Variants in TRIM29 observed in about 807,000 individuals in gnomAD.
TRIM29 encodes the protein tripartite motif containing 29.
In TRIM29, 52 loss-of-function variants were observed where a neutral mutation model predicts 57.3. The observed-to-expected ratio is 0.91, with a 90% CI of 0.73 to 1.14. The LOEUF is 1.14. Ranked by LOEUF, TRIM29 falls within the 50% of genes most tolerant of loss-of-function variation. TRIM29 has a pLI of 0.00. For synonymous variants in TRIM29, 319 were observed against 316.9 expected (o/e 1.01, Z -0.07); for missense variants, 753 against 774.6 (o/e 0.97, Z 0.33).
intron 3 of TRIM29, 84 bp from the exon 4 acceptor site, chr11:120,125,973 AGCTGGG>A: frequency 7.3e-7 from 1 of 1,372,806 alleles, no homozygotes; most frequent in Non-Finnish European, 1.0e-6. Flanking sequence ...CTCACAGTGC[AGCTGGG>A]GGTCTCAGCG....
rs775344837 is a variant in TRIM29, at chr11:120,118,263, G to A, written c.1587C>T (p.Asp529=). 6.2e-7 allele frequency: 1 copy of A among 1,613,952 alleles called. No homozygotes were observed. The highest frequency in any genetic ancestry group is 1.3e-5 in the African/African-American group (1 of 74,914). The change falls in exon 7 of 9, where the codon GAC becomes GAT. Residue 529 remains aspartate, a synonymous_variant. Transcript: ENST00000341846. ...YSSSIQNSDN[D]LPVVQGSSSF... is the part of the protein sequence containing the mutation. ...AGGAGCTGCCTTGGACGACGGGCAGGTCATTGTCAGAGTTCTGAATGCTGG... is the reference window on the plus strand; with the variant it reads ...AGGAGCTGCCTTGGACGACGGGCAGATCATTGTCAGAGTTCTGAATGCTGG...
At chr11:120,117,095 G>A in intron 7 of TRIM29, 2 of 372,124 alleles carry the variant, frequency 5.4e-6, no homozygotes, top group East Asian at 8.5e-5. Flanking sequence ...GCACAGCGCT[G>A]GTCCCAGAGG....
At chr11:120,122,152 G>GTGTGTGTGTA (rs1863469106) in intron 5 of TRIM29, among the ~76,000 whole-genome samples, 1 of 143,856 alleles carries the variant, frequency 7.0e-6, no homozygotes, top group African/African-American at 2.7e-5. Context: ...GTGTGTGTGT[G>GTGTGTGTGTA]TGTGTGTGTG....
intron 8 of TRIM29, chr11:120,113,550 T>C: frequency 2.2e-6 from 1 of 452,050 alleles, no homozygotes; most frequent in Non-Finnish European, 4.4e-6. Context: ...AAGGGTACAC[T>C]GCCTTTGGCC....
Position 120,137,190 on chromosome 11 carries a change from G to A in TRIM29, c.804+38C>T, listed in dbSNP as rs760741223. The A allele has an allele frequency of 3.7e-6, 6 of 1,605,168 alleles. No homozygotes were observed. The South Asian group carries it at 4.4e-5, about 12-fold the overall frequency. The stretch of plus-strand genomic sequence containing the variant: ...AGTTCGGAGGGGTGGGGTGAGAGAG[G>A]AGAGGCCTGGAGGGGCAGGAGGGGC... On this transcript the variant is annotated intron_variant, in intron 1 of 8. Transcript: ENST00000341846. This position sits in a 1 kb window ranked among gnomAD's most constrained non-coding sequence, Gnocchi z 6.2.
Position 120,125,895 on chromosome 11 carries a change from A to G in TRIM29, c.1135-6T>C. ...CTCATCAATGCACCAAATTCCTACCAAGAAAGGAAAGAACCATTAACTGCC... is the reference window on the plus strand; with the variant it reads ...CTCATCAATGCACCAAATTCCTACCGAGAAAGGAAAGAACCATTAACTGCC... On this transcript the variant is annotated splice_polypyrimidine_tract_variant and splice_region_variant and intron_variant, in intron 3 of 8. Transcript: ENST00000341846. 5 of 1,610,836 alleles carry G rather than the reference A, an allele frequency of 3.1e-6. No homozygotes were observed. Among genetic ancestry groups the G allele is most frequent in the Non-Finnish European group, 4.2e-6 (5 of 1,177,384 alleles).
chr11:120,125,483 T>A (rs1159150007), intron 4 of TRIM29: 1 of 590,324 alleles, frequency 1.7e-6, no homozygotes, highest in Non-Finnish European at 3.0e-6. Flanking sequence ...GGTCTCTTCC[T>A]ATAGTTGCAT....
chr11:120,136,118 T>C (rs1863809327), intron 1 of TRIM29, among the ~76,000 whole-genome samples: 1 of 152,168 alleles, frequency 6.6e-6, no homozygotes, highest in South Asian at 2.1e-4. Flanking sequence ...TATGAATACA[T>C]GCAAACATCC....
chr11:120,122,907 G>A, intron 5 of TRIM29, 47 bp downstream of exon 5: 1 of 1,562,850 alleles, frequency 6.4e-7, no homozygotes, highest in Admixed American at 1.7e-5. Flanking sequence ...GGGGGCCCCT[G>A]GGCAGCAGGA....
At chr11:120,113,809 A>G (rs189790043) in intron 8 of TRIM29, among the ~76,000 whole-genome samples, 2 of 152,258 alleles carry the variant, frequency 1.3e-5, no homozygotes, top group East Asian at 1.9e-4. Context: ...GAAATGGCTG[A>G]AGCCTTTCTT....
chr11:120,136,212 T>C (rs1163241522), intron 1 of TRIM29, among the ~76,000 whole-genome samples: 5 of 152,206 alleles, frequency 3.3e-5, no homozygotes, highest in Non-Finnish European at 7.3e-5. Context: ...TATTTACCAA[T>C]AAACCCATTG....
chr11:120,134,287 C>T (rs576919869), intron 1 of TRIM29, among the ~76,000 whole-genome samples: 1 of 152,180 alleles, frequency 6.6e-6, no homozygotes, highest in African/African-American at 2.4e-5. Flanking sequence ...AGAAGACAGG[C>T]ACCCACAGCC....
Position 120,112,283 on chromosome 11 carries a change from A to T in TRIM29, c.*131T>A. On this transcript the variant is annotated 3_prime_UTR_variant, in exon 9 of 9. Coordinates refer to ENST00000341846, the MANE Select transcript of TRIM29 (RefSeq NM_012101.4). ...CCGGAACTGCCCCCAAGAGGCTGGC[A>T]GAGGGCTGCAGAGGGCAGGTGCAGG... 9.5e-7 allele frequency: 1 copy of T among 1,049,170 alleles called. No homozygotes were observed. The highest frequency in any genetic ancestry group is 1.4e-6 in the Non-Finnish European group (1 of 715,348). The allele number at this position is 1,049,170 out of a possible 1,614,324, so 65.0% of individuals were successfully genotyped here.
rs1218649102 is a variant in TRIM29, at chr11:120,125,779, G to A, written c.1245C>T (p.Asp415=). 1.2e-6 allele frequency: 2 copies of A among 1,614,174 alleles called. No homozygotes were observed. Among genetic ancestry groups the A allele is most frequent in the African/African-American group, 1.3e-5 (1 of 75,030 alleles). The change falls in exon 4 of 9, where the codon GAC becomes GAT. Residue 415 remains aspartate (D), a synonymous_variant. Coordinates refer to ENST00000341846, the MANE Select transcript of TRIM29 (RefSeq NM_012101.4). The part of the protein sequence containing the change: ...LGQSLGNFKD[D]LLNVCMRHVE... ...CGTGGCGCATGCATACATTGAGCAG[G>A]TCGTCCTTGAAGTTGCCTAGTGACT...
chr11:120,130,587 T>A (rs1863699681), intron 1 of TRIM29, among the ~76,000 whole-genome samples: 2 of 152,226 alleles, frequency 1.3e-5, no homozygotes, highest in Non-Finnish European at 2.9e-5. Context: ...TCAGTAGCCC[T>A]GTCTGGTCCA....
chr11:120,131,671 A>G (rs548763076), intron 1 of TRIM29, among the ~76,000 whole-genome samples: 1 of 151,482 alleles, frequency 6.6e-6, no homozygotes, highest in East Asian at 1.9e-4. Context: ...TGCTGCTAGA[A>G]TGGTCCTTTC....
chr11:120,113,384 C>T (rs1320055528), intron 8 of TRIM29, among the ~76,000 whole-genome samples: 8 of 152,162 alleles, frequency 5.3e-5, no homozygotes, highest in African/African-American at 1.9e-4. Context: ...AGTGGAAGAG[C>T]ACAGCTTAGC....
chr11:120,136,797 A>G (rs1042699362), intron 1 of TRIM29, among the ~76,000 whole-genome samples: 2 of 152,110 alleles, frequency 1.3e-5, no homozygotes, highest in Non-Finnish European at 2.9e-5. Context: ...AGCAAAAAAA[A>G]AAAAAAATAA....
chr11:120,115,664 G>T (rs527512889), intron 7 of TRIM29: 32 of 518,538 alleles, frequency 6.2e-5, no homozygotes, highest in Middle Eastern at 4.8e-4. Context: ...GCTGGACCAG[G>T]CAGCAGGGGA....
Sources: allele counts gnomAD v4.1 joint callset (sites outside exome capture counted in the v4.1 genomes callset), GRCh38; gene constraint gnomAD v4.1.1; non-coding constraint Gnocchi (gnomAD v3.1); transcripts MANE v1.5; gene names NCBI Gene and HGNC (gene_info 2026-07-23, HGNC 2026-07-21).